CSMD1: variants seen among roughly 807,000 people sequenced by gnomAD.
CSMD1 encodes CUB and Sushi multiple domains 1.
CSMD1 carries 213 observed loss-of-function variants against 417.5 expected under a neutral mutation model. That is an observed-to-expected ratio of 0.51 (90% CI 0.46 to 0.57). The LOEUF is 0.57. CSMD1 is among the 20% of genes least tolerant of loss of function. The pLI is 0.00. For synonymous variants in CSMD1, 2,862 were observed against 1,736.8 expected (o/e 1.65, Z -16.11); for missense variants, 6,923 against 4,529.7 (o/e 1.53, Z -15.17).
chr8:4,245,127 C>T (rs536438664), intron 3 of CSMD1, among the ~76,000 whole-genome samples: 1 of 152,192 alleles, frequency 6.6e-6, no homozygotes, highest in Non-Finnish European at 1.5e-5. Flanking sequence ...TCACTTCACA[C>T]AGAATGTTCC....
At position 3,405,885 on chromosome 8, in the gene CSMD1, C is replaced by G. The variant is rs1200542161; in HGVS notation, c.2266+142G>C. 7 of 719,272 alleles carry G rather than the reference C, an allele frequency of 9.7e-6. No individual in the cohort carries two copies. In the Admixed American group the frequency reaches 2.1e-4, roughly 22 times the overall value. The allele number at this position is 719,272 out of a possible 1,614,324, so 44.6% of individuals were successfully genotyped here. A position where few individuals can be genotyped will look rare whatever the true frequency, so the allele number is the denominator to read the frequency against. On this transcript the variant is annotated intron_variant, in intron 15 of 69. Coordinates refer to ENST00000635120, the MANE Select transcript of CSMD1 (RefSeq NM_033225.6). ...CAGCCTCCAGAACTGGGAGACTGTA[C>G]ACTCCTGTTGGTTAAGTGACTGTGT...
At chr8:4,245,914 G>A (rs556214199) in intron 3 of CSMD1, among the ~76,000 whole-genome samples, 27 of 152,170 alleles carry the variant, frequency 1.8e-4, no homozygotes, top group Admixed American at 1.0e-3. Context: ...TAGCTAAGGC[G>A]TTTTCTCAAC....
chr8:4,878,777 A>T (rs1803207927), intron 1 of CSMD1, among the ~76,000 whole-genome samples: 1 of 151,882 alleles, frequency 6.6e-6, no homozygotes, highest in East Asian at 1.9e-4. Context: ...TTTTAAGATT[A>T]TAGTTTGAGT....
rs71521847 is a variant in CSMD1, at chr8:3,357,091, C to A, written c.3304+2061G>T. 9.5e-3 allele frequency among the ~76,000 whole-genome samples: 1,439 copies of A among 152,072 alleles called. 14 individuals are homozygous for A. The highest frequency in any genetic ancestry group is 0.013 in the Non-Finnish European group (894 of 68,000). On this transcript the variant is annotated intron_variant, in intron 21 of 69. Transcript: ENST00000635120. ...GGAGCCTGAACTGAGAGCTCTGCAG[C>A]GGCCAGAATCCTCCAGAGCTAGGAC...
intron 2 of CSMD1, among the ~76,000 whole-genome samples, chr8:4,601,236 G>T (rs564075518): frequency 6.6e-6 from 1 of 152,158 alleles, no homozygotes; most frequent in Non-Finnish European, 1.5e-5. Flanking sequence ...GATTACAGGC[G>T]TGAGCCACCG....
At chr8:3,464,201 G>A (rs1342866813) in intron 12 of CSMD1, among the ~76,000 whole-genome samples, 1 of 151,988 alleles carries the variant, frequency 6.6e-6, no homozygotes, top group Non-Finnish European at 1.5e-5. Context: ...TGATGAACTC[G>A]AACCGAATTT....
intron 21 of CSMD1, among the ~76,000 whole-genome samples, chr8:3,348,950 A>G (rs539878789): frequency 7.4e-4 from 113 of 152,328 alleles, no homozygotes; most frequent in African/African-American, 2.7e-3. Context: ...CTCTAAGTCC[A>G]ATACGATCAC....
At chr8:4,142,355 G>A (rs1381578154) in intron 3 of CSMD1, among the ~76,000 whole-genome samples, 1 of 150,904 alleles carries the variant, frequency 6.6e-6, no homozygotes, top group African/African-American at 2.5e-5. Flanking sequence ...TATGATATTT[G>A]GCTGTAGGCA....
chr8:4,441,139 C>G (rs1283412850), intron 2 of CSMD1, among the ~76,000 whole-genome samples: 8 of 60,038 alleles, frequency 1.3e-4, no homozygotes, highest in Non-Finnish European at 2.5e-4. Context: ...GTCTCTGTCA[C>G]CTAAGCTAGA....
intron 5 of CSMD1, among the ~76,000 whole-genome samples, chr8:3,770,339 T>C (rs925796917): frequency 2.6e-5 from 4 of 152,028 alleles, no homozygotes; most frequent in African/African-American, 9.7e-5. Flanking sequence ...GACCAGCCTG[T>C]CCTATGTGGT....
intron 5 of CSMD1, among the ~76,000 whole-genome samples, chr8:3,797,932 G>A (rs79557606): frequency 0.037 from 5,590 of 152,078 alleles, 258 homozygotes; most frequent in African/African-American, 0.11. Context: ...GTCAAGTTTT[G>A]TAATTTTAGC....
At chr8:3,679,129 A>T (rs1378278206) in intron 7 of CSMD1, among the ~76,000 whole-genome samples, 1 of 152,172 alleles carries the variant, frequency 6.6e-6, no homozygotes. Context: ...GTATCAACTA[A>T]TGAGCACAAT....
intron 3 of CSMD1, among the ~76,000 whole-genome samples, chr8:4,301,913 T>A (rs1001829402): frequency 6.6e-6 from 1 of 152,224 alleles, no homozygotes. Flanking sequence ...TTAGAATTTA[T>A]GTTGCTTTGA....
chr8:4,714,587 G>A (rs978617779), intron 1 of CSMD1, among the ~76,000 whole-genome samples: 1 of 152,124 alleles, frequency 6.6e-6, no homozygotes, highest in African/African-American at 2.4e-5. Flanking sequence ...TAGGGTTATT[G>A]AATAACACAG....
At chr8:3,715,300 T>C (rs1456717715) in intron 6 of CSMD1, among the ~76,000 whole-genome samples, 1 of 152,202 alleles carries the variant, frequency 6.6e-6, no homozygotes, top group Non-Finnish European at 1.5e-5. Context: ...TGATACACTG[T>C]AAACATCAGT....
intron 51 of CSMD1, among the ~76,000 whole-genome samples, chr8:3,027,124 T>C (rs1325258030): frequency 6.6e-6 from 1 of 152,128 alleles, no homozygotes; most frequent in Non-Finnish European, 1.5e-5. Context: ...TTTTTTTAAA[T>C]GTTTAAAATA....
At chr8:3,231,126 C>T (rs1358428669) in intron 26 of CSMD1, among the ~76,000 whole-genome samples, 1 of 152,164 alleles carries the variant, frequency 6.6e-6, no homozygotes, top group Non-Finnish European at 1.5e-5. Context: ...TAAAATACAG[C>T]AGCCTCAAGA....
intron 2 of CSMD1, among the ~76,000 whole-genome samples, chr8:4,462,825 A>G (rs748263347): frequency 1.4e-4 from 21 of 152,032 alleles, no homozygotes; most frequent in Non-Finnish European, 2.8e-4. Context: ...AAATTGATAA[A>G]TCATAGACCC....
At chr8:4,793,409 C>A (rs1797799175) in intron 1 of CSMD1, among the ~76,000 whole-genome samples, 2 of 151,902 alleles carry the variant, frequency 1.3e-5, no homozygotes, top group South Asian at 4.2e-4. Flanking sequence ...GTAAAAATTT[C>A]ACCTTTTCCC....
Sources: allele counts gnomAD v4.1 joint callset (sites outside exome capture counted in the v4.1 genomes callset), GRCh38; gene constraint gnomAD v4.1.1; transcripts MANE v1.5; gene names NCBI Gene and HGNC (gene_info 2026-07-23, HGNC 2026-07-21).